Variants in ORC5 observed in about 807,000 individuals in gnomAD.
ORC5 encodes origin recognition complex subunit 5.
A neutral mutation model predicts 58.8 loss-of-function variants in ORC5; 39 were observed. The ratio of observed to expected loss-of-function variants is 0.66; its 90% CI spans 0.51 to 0.87. The LOEUF (loss-of-function observed/expected upper bound fraction) is 0.87. Ranked by LOEUF, ORC5 falls within the 40% of genes least tolerant of loss-of-function variation. The probability of loss-of-function intolerance (pLI) is 0.00; values close to 1 mark genes in which losing one functional copy is unlikely to be tolerated. For synonymous variants in ORC5, 218 were observed against 177.6 expected, an observed-to-expected ratio of 1.23 and a Z score of -1.81; for missense variants, 493 against 506.3, an observed-to-expected ratio of 0.97 and a Z score of 0.25.
At chr7:104,169,971 T>G (rs1799182064) in intron 8 of ORC5, among the ~76,000 whole-genome samples, 1 of 152,208 alleles carries the variant, frequency 6.6e-6, no homozygotes, top group South Asian at 2.1e-4. Flanking sequence ...TCATCTCTTT[T>G]TCACATCAAG....
rs1799008226 is a variant in ORC5, at chr7:104,160,725, T to A, written c.1149+347A>T. On this transcript the variant is annotated intron_variant, in intron 12 of 13. Coordinates refer to ENST00000297431, the MANE Select transcript of ORC5 (RefSeq NM_002553.4). Reference sequence around the variant, plus strand: ...AGATTACTCTGTTACAAAAAAAAATTTTTCAATTTTGTTTTCATTAAATTA... The same window carrying A: ...AGATTACTCTGTTACAAAAAAAAATATTTCAATTTTGTTTTCATTAAATTA... Among the ~76,000 whole-genome samples, 7 of 151,956 alleles carry A rather than the reference T, an allele frequency of 4.6e-5. No individual in the cohort carries two copies. The South Asian group carries it at 1.0e-3, about 23-fold the overall frequency.
At chr7:104,187,119 G>A (rs1014096940) in intron 6 of ORC5, among the ~76,000 whole-genome samples, 5 of 152,116 alleles carry the variant, frequency 3.3e-5, no homozygotes, top group African/African-American at 7.2e-5. Flanking sequence ...AGGAAAGACC[G>A]AGGAGGATTA....
intron 8 of ORC5, among the ~76,000 whole-genome samples, chr7:104,181,254 T>C (rs1328063065): frequency 1.3e-5 from 2 of 152,236 alleles, no homozygotes; most frequent in African/African-American, 4.8e-5. Context: ...TTTATAGTTT[T>C]ATGGAACTGC....
chr7:104,204,183 C>A lies in ORC5; in HGVS notation c.124G>T (p.Gly42Ter), dbSNP rs1392181695. The change falls in exon 2 of 14, where the codon GGA (glycine) becomes TGA (stop). Residue 42 changes from glycine to a stop codon, truncating the protein, a stop_gained. Coordinates refer to ENST00000297431, the MANE Select transcript of ORC5 (RefSeq NM_002553.4). LOFTEE classifies it high-confidence loss of function. ...SIFIYGHTASGKTYVTQTLLK... is the reference protein window; with the variant it reads ...SIFIYGHTAS ...AACGTTTGTGTTACATAGGTCTTTC[C>A]ACTAGCAGTATGTCCATAAATAAAA... The A allele has an allele frequency of 6.2e-7, 1 of 1,600,658 alleles. No individual in the cohort carries two copies. The highest frequency in any genetic ancestry group is 1.3e-5 in the African/African-American group (1 of 74,676).
At chr7:104,127,399 C>T (rs1307849468) in intron 13 of ORC5, among the ~76,000 whole-genome samples, 2 of 152,100 alleles carry the variant, frequency 1.3e-5, no homozygotes, top group African/African-American at 4.8e-5. Context: ...GTAACTAAAT[C>T]TGTATGATCC....
Position 104,205,084 on chromosome 7 carries a change from C to CTTTTTTTTT in ORC5, c.73-851_73-850insAAAAAAAAA, listed in dbSNP as rs769195880. On this transcript the variant is annotated intron_variant, in intron 1 of 13. Transcript: ENST00000297431. ...GGGAAAACTTGATTTTTTAATAATA[C>CTTTTTTTTT]TCTTTTTTTTTTTTTTTTTTTTTGA... 5.2e-3 allele frequency among the ~76,000 whole-genome samples: 535 copies of CTTTTTTTTT among 102,228 alleles called. 32 individuals carry two copies. Among genetic ancestry groups the CTTTTTTTTT allele is most frequent in the African/African-American group, 0.017 (508 of 29,184 alleles). 67.1% of individuals were successfully genotyped at this position (102,228 alleles called of 152,430 possible).
chr7:104,128,662 T>C (rs1326787195), intron 13 of ORC5, among the ~76,000 whole-genome samples: 6 of 141,180 alleles, frequency 4.2e-5, no homozygotes, highest in Non-Finnish European at 6.1e-5. Context: ...CTCCTAATGC[T>C]ATCCCTCCCC....
At chr7:104,201,911 G>A (rs1160533754) in intron 2 of ORC5, among the ~76,000 whole-genome samples, 1 of 132,724 alleles carries the variant, frequency 7.5e-6, no homozygotes, top group Non-Finnish European at 1.6e-5. Flanking sequence ...GAAACACAGT[G>A]AGACTCTGTC....
At chr7:104,204,826 G>T (rs1800034546) in intron 1 of ORC5, among the ~76,000 whole-genome samples, 1 of 152,100 alleles carries the variant, frequency 6.6e-6, no homozygotes, top group Admixed American at 6.5e-5. Flanking sequence ...ATACATATGT[G>T]CAAGATCCTC....
chr7:104,164,999 T>C (rs1799083223), intron 11 of ORC5, among the ~76,000 whole-genome samples: 1 of 152,196 alleles, frequency 6.6e-6, no homozygotes, highest in South Asian at 2.1e-4. Context: ...AACTTCTTCA[T>C]CTACTAAGTC....
At chr7:104,153,900 G>A (rs1033280148) in intron 12 of ORC5, among the ~76,000 whole-genome samples, 3 of 151,896 alleles carry the variant, frequency 2.0e-5, no homozygotes, top group South Asian at 2.1e-4. Flanking sequence ...TCTGACTAGC[G>A]TTTAATGAAT....
At chr7:104,132,659 G>A (rs1302603457) in intron 13 of ORC5, among the ~76,000 whole-genome samples, 1 of 152,164 alleles carries the variant, frequency 6.6e-6, no homozygotes, top group Admixed American at 6.5e-5. Flanking sequence ...TAAGTTTAAA[G>A]CACTGTGCTA....
Position 104,126,905 on chromosome 7 carries a change from A to C in ORC5, c.1263-12T>G, listed in dbSNP as rs181033863. ...CAAAGTTCACCGTCCTAAAAACAAA[A>C]ACAGATAATATGTTAGCATTCTCAC... On this transcript the variant is annotated splice_polypyrimidine_tract_variant and intron_variant, in intron 13 of 13. Transcript: ENST00000297431. 1.2e-4 allele frequency: 184 copies of C among 1,581,306 alleles called. 1 individual carries two copies. Among genetic ancestry groups the C allele is most frequent in the Admixed American group, 1.5e-4 (9 of 59,488 alleles).
In ORC5 at chr7:104,188,392, G is replaced by A; in HGVS notation, c.554-11C>T. ...TCTTTTGAAGGTTGCCTGTTCACAG[G>A]ACACAAAATAACTTATAATGATTAA... On this transcript the variant is annotated splice_polypyrimidine_tract_variant and intron_variant, in intron 5 of 13. Coordinates refer to ENST00000297431, the MANE Select transcript of ORC5 (RefSeq NM_002553.4). 1 of 1,600,986 alleles carries A rather than the reference G, an allele frequency of 6.2e-7. No homozygotes were observed.
At chr7:104,163,842 T>C (rs1029876279) in intron 11 of ORC5, among the ~76,000 whole-genome samples, 2 of 152,184 alleles carry the variant, frequency 1.3e-5, no homozygotes, top group African/African-American at 2.4e-5. Context: ...TATTAACATA[T>C]TAACTTCACA....
Position 104,184,176 on chromosome 7 carries a change from A to T in ORC5, c.685-5T>A. Reference sequence around the variant, plus strand: ...TTTAGGAAAATTAAGTACTGCCTGTAAGTAAAGAAAAAAAAAGAGAAGAAA... The same window carrying T: ...TTTAGGAAAATTAAGTACTGCCTGTTAGTAAAGAAAAAAAAAGAGAAGAAA... On this transcript the variant is annotated splice_polypyrimidine_tract_variant and splice_region_variant and intron_variant, in intron 6 of 13. Transcript: ENST00000297431. 2.0e-6 allele frequency: 3 copies of T among 1,513,950 alleles called. No individual in the cohort carries two copies. Among genetic ancestry groups the T allele is most frequent in the Non-Finnish European group, 2.7e-6 (3 of 1,112,888 alleles). 93.8% of individuals were successfully genotyped at this position (1,513,950 alleles called of 1,614,324 possible). A position where few individuals can be genotyped will look rare whatever the true frequency, so the allele number is the denominator to read the frequency against.
chr7:104,170,392 G>A (rs1799190119), intron 8 of ORC5, among the ~76,000 whole-genome samples: 1 of 152,144 alleles, frequency 6.6e-6, no homozygotes, highest in South Asian at 2.1e-4. Context: ...ACATTACACT[G>A]CATTATCCAG....
intron 12 of ORC5, among the ~76,000 whole-genome samples, chr7:104,158,596 C>A (rs1798969098): frequency 6.6e-6 from 1 of 151,906 alleles, no homozygotes; most frequent in Non-Finnish European, 1.5e-5. Flanking sequence ...GGGCTAATAT[C>A]CAGAATCTAC....
intron 8 of ORC5, among the ~76,000 whole-genome samples, chr7:104,178,126 G>A (rs187088126): frequency 4.6e-5 from 7 of 152,278 alleles, no homozygotes; most frequent in African/African-American, 1.7e-4. Context: ...TCTGGTTCTA[G>A]ACCCCTGAGG....
Sources: gnomAD v4.1 joint callset for allele counts (sites outside exome capture counted in the v4.1 genomes callset) on GRCh38, gnomAD v4.1.1 for gene constraint, MANE v1.5 for transcripts, NCBI Gene and HGNC (gene_info 2026-07-23, HGNC 2026-07-21) for gene names.